Variants in CHST15 observed in about 807,000 individuals in gnomAD.
CHST15 encodes the protein carbohydrate sulfotransferase 15.
CHST15 carries 30 observed loss-of-function variants against 53.6 expected under a neutral mutation model. That is an observed-to-expected ratio of 0.56 (90% CI 0.42 to 0.76). The LOEUF is 0.76. Among genes scored for constraint, CHST15 ranks in the 30% least tolerant of loss-of-function variants. The probability of loss-of-function intolerance (pLI) is 0.00; values close to 1 mark genes in which losing one functional copy is unlikely to be tolerated. For missense variants in CHST15, 627 were observed against 740.5 expected, an observed-to-expected ratio of 0.85 and a Z score of 1.78; for synonymous variants, 296 against 289.8, an observed-to-expected ratio of 1.02 and a Z score of -0.22.
At chr10:124,071,621 T>G (rs1464661735) in intron 1 of CHST15, among the ~76,000 whole-genome samples, 4 of 152,220 alleles carry the variant, frequency 2.6e-5, no homozygotes, top group Non-Finnish European at 5.9e-5. Context: ...AAAATTTGCA[T>G]TTTTTTCATA....
In CHST15 at chr10:124,074,763, C is replaced by T. The variant is rs1408042830; in HGVS notation, c.-513+18706G>A. Reference sequence around the variant, plus strand: ...AAATGATCCTTTGCCTAAGTGTTTCCACCTCATTCACCTCCTAGACTCTAA... The same window carrying T: ...AAATGATCCTTTGCCTAAGTGTTTCTACCTCATTCACCTCCTAGACTCTAA... On this transcript the variant is annotated intron_variant, in intron 1 of 7. Transcript: ENST00000435907. This position sits in a 1 kb window ranked among gnomAD's most constrained non-coding sequence, Gnocchi z 4.4. 6.6e-6 allele frequency among the ~76,000 whole-genome samples: 1 copy of T among 152,162 alleles called. No individual in the cohort carries two copies. The highest frequency in any genetic ancestry group is 1.9e-4 in the East Asian group (1 of 5,198).
At chr10:124,054,225 G>A (rs1178225740) in intron 1 of CHST15, among the ~76,000 whole-genome samples, 1 of 152,150 alleles carries the variant, frequency 6.6e-6, no homozygotes, top group Admixed American at 6.5e-5. Context: ...CCTGATGACT[G>A]GGACACATCA....
rs758243657 is a variant in CHST15, at chr10:124,045,112, C to CAAAAAAAAA, written c.547-202_547-194dup. 5.2e-3 allele frequency among the ~76,000 whole-genome samples: 174 copies of CAAAAAAAAA among 33,718 alleles called. 5 individuals are homozygous for CAAAAAAAAA. Among genetic ancestry groups the CAAAAAAAAA allele is most frequent in the South Asian group, 9.0e-3 (5 of 554 alleles). The allele number at this position is 33,718 out of a possible 152,430, so 22.1% of individuals were successfully genotyped here. A position where few individuals can be genotyped will look rare whatever the true frequency, so the allele number is the denominator to read the frequency against. The stretch of plus-strand genomic sequence containing the variant: ...TGCTTTCCTCTCCCCCGCCGCCCCA[C>CAAAAAAAAA]AAAAAAAAAAAAAAAAAAAAAAAAA... On this transcript the variant is annotated intron_variant, in intron 2 of 7. Coordinates refer to ENST00000435907, the MANE Select transcript of CHST15 (RefSeq NM_001270764.2).
At chr10:124,072,244 G>T (rs1388774444) in intron 1 of CHST15, among the ~76,000 whole-genome samples, 1 of 152,164 alleles carries the variant, frequency 6.6e-6, no homozygotes, top group Non-Finnish European at 1.5e-5. Context: ...ATTTGACAGA[G>T]CCAGGGCAGG....
chr10:124,076,115 T>C (rs1323588810), intron 1 of CHST15, among the ~76,000 whole-genome samples: 1 of 151,832 alleles, frequency 6.6e-6, no homozygotes, highest in East Asian at 1.9e-4. Context: ...AGCCACAGAG[T>C]CACGACAGAC....
intron 1 of CHST15, among the ~76,000 whole-genome samples, chr10:124,050,548 C>A (rs1245694578): frequency 1.3e-5 from 2 of 152,214 alleles, no homozygotes; most frequent in African/African-American, 4.8e-5. Context: ...CATAGCACCC[C>A]TTCCCCTGAC....
rs752539430 is a variant in CHST15 at position 124,010,187 on chromosome 10, C to T, written c.1648G>A (p.Val550Ile). The change falls in exon 8 of 8, where the codon GTC becomes ATC. Residue 550 changes from valine (V) to isoleucine (I), a missense_variant. Physicochemically the swap from Val to Ile is conservative, Grantham distance 29. This residue lies in a region of CHST15 where 279 missense variants were observed against 371.6 expected (regional missense o/e 0.75). Coordinates refer to ENST00000435907, the MANE Select transcript of CHST15 (RefSeq NM_001270764.2). ...CACGCAAACGCCTCATCCGCGAGGACCTGCGCCAGCCTAGCGTTGAAGGGC... is the reference window on the plus strand; with the variant it reads ...CACGCAAACGCCTCATCCGCGAGGATCTGCGCCAGCCTAGCGTTGAAGGGC... ...YRPFNARLAQ[V>I]LADEAFAWKT... The T allele has an allele frequency of 2.5e-6, 4 of 1,613,754 alleles. No individual in the cohort carries two copies. In the Admixed American group the frequency reaches 6.7e-5, roughly 27 times the overall value.
At chr10:124,058,171 A>C (rs1948443948) in intron 1 of CHST15, among the ~76,000 whole-genome samples, 1 of 152,210 alleles carries the variant, frequency 6.6e-6, no homozygotes, top group African/African-American at 2.4e-5. Context: ...AATAAGGCAG[A>C]GGCCACTCAA....
At chr10:124,042,806 G>A (rs1339179739) in intron 3 of CHST15, among the ~76,000 whole-genome samples, 2 of 152,174 alleles carry the variant, frequency 1.3e-5, no homozygotes, top group Admixed American at 1.3e-4. Flanking sequence ...AAGTGGCTGG[G>A]CAGCGATGAC....
intron 3 of CHST15, among the ~76,000 whole-genome samples, chr10:124,043,770 G>A (rs1377351272): frequency 2.0e-5 from 3 of 152,244 alleles, no homozygotes; most frequent in Non-Finnish European, 4.4e-5. Flanking sequence ...GTTATCATAT[G>A]GAACCCATAA....
chr10:124,090,577 ACTT>A (rs1275994898), intron 1 of CHST15, among the ~76,000 whole-genome samples: 6 of 152,088 alleles, frequency 3.9e-5, no homozygotes, highest in Non-Finnish European at 7.4e-5. Flanking sequence ...TTCCCCAAAC[ACTT>A]CTTCTTGATG....
In CHST15 at chr10:124,038,662, C is replaced by T; in HGVS notation, c.1043G>A (p.Ser348Asn). 6.2e-7 allele frequency: 1 copy of T among 1,613,980 alleles called. No homozygotes were observed. The highest frequency in any genetic ancestry group is 8.5e-7 in the Non-Finnish European group (1 of 1,179,930). The change falls in exon 5 of 8, where the codon AGT (serine) becomes AAT (asparagine). Residue 348 changes from serine (S) to asparagine (N), a missense_variant. Transcript: ENST00000435907. ...ATTATTATCCCACATCGTGGAGGCA[C>T]TGGCCTCCCCTGGAAACAGAAAACA... ...KMNTIIIGEA[S>N]ASTMWDNNAW...
chr10:124,062,562 A>G (rs1948615356), intron 1 of CHST15, among the ~76,000 whole-genome samples: 1 of 152,108 alleles, frequency 6.6e-6, no homozygotes, highest in South Asian at 2.1e-4. Flanking sequence ...AATCCCCACA[A>G]AAATATGCCC....
At chr10:124,054,053 T>C (rs961732193) in intron 1 of CHST15, among the ~76,000 whole-genome samples, 3 of 152,198 alleles carry the variant, frequency 2.0e-5, no homozygotes, top group Non-Finnish European at 4.4e-5. Flanking sequence ...ACAGCTGTTT[T>C]GTTTTAGTTA....
At chr10:124,050,874 C>G (rs568458296) in intron 1 of CHST15, among the ~76,000 whole-genome samples, 1 of 152,096 alleles carries the variant, frequency 6.6e-6, no homozygotes, top group East Asian at 1.9e-4. Context: ...AGGGACCAGG[C>G]TCTGTAGAGT....
chr10:124,087,160 A>C (rs1949457402), intron 1 of CHST15, among the ~76,000 whole-genome samples: 1 of 152,014 alleles, frequency 6.6e-6, no homozygotes, highest in Non-Finnish European at 1.5e-5. Context: ...GACCTCTTAG[A>C]CTCTGAAATG....
chr10:124,039,691 G>C (rs980482694), intron 4 of CHST15, among the ~76,000 whole-genome samples: 1 of 152,226 alleles, frequency 6.6e-6, no homozygotes, highest in African/African-American at 2.4e-5. Context: ...ACACAGGCAG[G>C]CATTCCAACA....
chr10:124,036,911 G>A lies in CHST15; in HGVS notation c.1190+1604C>T, dbSNP rs775488609. 6.6e-5 allele frequency among the ~76,000 whole-genome samples: 10 copies of A among 152,282 alleles called. No homozygotes were observed. The highest frequency in any genetic ancestry group is 1.2e-4 in the Non-Finnish European group (8 of 68,024). ...CGGGGCTGCCAGGACAAATCACCAC[G>A]AACTCGTGGTGCGTAATGACAGGAC... On this transcript the variant is annotated intron_variant, in intron 5 of 7. Transcript: ENST00000435907. The surrounding 1 kb of genome is among the most constrained non-coding windows in gnomAD (Gnocchi z 5.1).
At chr10:124,042,589 C>T (rs2133985002) in intron 3 of CHST15, 142 bp from the exon 4 acceptor site, 2 of 885,244 alleles carry the variant, frequency 2.3e-6, no homozygotes, top group South Asian at 3.5e-5. Flanking sequence ...AGGTAAGCTT[C>T]AGAAAGGGCT....
Sources: allele counts gnomAD v4.1 joint callset (sites outside exome capture counted in the v4.1 genomes callset), GRCh38; gene constraint gnomAD v4.1.1; regional missense constraint gnomAD v4.1.1; non-coding constraint Gnocchi (gnomAD v3.1); transcripts MANE v1.5; gene names NCBI Gene and HGNC (gene_info 2026-07-23, HGNC 2026-07-21).